The following PLS1 variants were observed in gnomAD, a reference collection of about 807,000 sequenced individuals.
PLS1 encodes plastin 1, also known as plastin-1.
Under a neutral mutation model 73.7 loss-of-function variants are expected in PLS1, and 32 were observed. The ratio of observed to expected loss-of-function variants is 0.43; its 90% CI spans 0.33 to 0.58. PLS1 has a LOEUF of 0.58. Ranked by LOEUF, PLS1 falls within the 20% of genes least tolerant of loss-of-function variation. The pLI, the probability that PLS1 is intolerant of heterozygous loss-of-function variation, is 0.04. For missense variants in PLS1, 633 were observed against 740.5 expected (o/e 0.85, Z 1.68); for synonymous variants, 217 against 261.3 (o/e 0.83, Z 1.63).
At chr3:142,625,977 A>AAATG (rs1174391653) in intron 1 of PLS1, among the ~76,000 whole-genome samples, 8 of 152,324 alleles carry the variant, frequency 5.3e-5, no homozygotes, top group East Asian at 1.9e-4. Flanking sequence ...CTGTCTCAAA[A>AAATG]AATGAATGAA....
chr3:142,643,069 G>C (rs1053844052), intron 1 of PLS1, among the ~76,000 whole-genome samples: 1 of 152,166 alleles, frequency 6.6e-6, no homozygotes, highest in Admixed American at 6.5e-5. Context: ...GGTGGAAGTT[G>C]TATTTGTTAA....
At chr3:142,695,718 A>C (rs970257566) in intron 11 of PLS1, among the ~76,000 whole-genome samples, 1 of 152,198 alleles carries the variant, frequency 6.6e-6, no homozygotes, top group East Asian at 1.9e-4. Flanking sequence ...AGCAAACTCT[A>C]TGTAGCCTGG....
At chr3:142,615,183 C>T (rs78383670) in intron 1 of PLS1, among the ~76,000 whole-genome samples, 1 of 152,286 alleles carries the variant, frequency 6.6e-6, no homozygotes, top group African/African-American at 2.4e-5. Context: ...AGGCAGCCAA[C>T]ATGGTCTGGA....
intron 1 of PLS1, among the ~76,000 whole-genome samples, chr3:142,603,761 C>T (rs2035967482): frequency 8.5e-6 from 1 of 118,292 alleles, no homozygotes; most frequent in South Asian, 2.5e-4. Context: ...CAAAGTGAAA[C>T]CCTGCCTCAA....
chr3:142,679,414 G>A (rs1231513956), intron 6 of PLS1, among the ~76,000 whole-genome samples: 26 of 150,820 alleles, frequency 1.7e-4, no homozygotes, highest in South Asian at 4.2e-4. Context: ...TAGGTCTAAC[G>A]TTTAAGTCTT....
chr3:142,707,815 A>C (rs192684351), intron 14 of PLS1, among the ~76,000 whole-genome samples: 1 of 152,126 alleles, frequency 6.6e-6, no homozygotes, highest in Admixed American at 6.5e-5. Context: ...ATACTATATA[A>C]ATCAGCTAAG....
At chr3:142,604,266 A>G (rs1463235238) in intron 1 of PLS1, among the ~76,000 whole-genome samples, 3 of 152,190 alleles carry the variant, frequency 2.0e-5, no homozygotes, top group Non-Finnish European at 4.4e-5. Context: ...AGGTTTAGAC[A>G]AGTAGAATCT....
Position 142,669,422 on chromosome 3 carries a change from G to C in PLS1, c.103G>C (p.Glu35Gln), listed in dbSNP as rs774902670. 1 of 1,599,006 alleles carries C rather than the reference G, an allele frequency of 6.3e-7. No individual in the cohort carries two copies. Among genetic ancestry groups the C allele is most frequent in the East Asian group, 2.2e-5 (1 of 44,712 alleles). The change falls in exon 3 of 16, where the codon GAA becomes CAA. Residue 35 changes from glutamate to glutamine, a missense_variant. Glu to Gln is a conservative substitution (Grantham distance 29). Coordinates refer to ENST00000457734, the MANE Select transcript of PLS1 (RefSeq NM_001145319.2). ...IDNSGYVSDY[E>Q]LQDLFKEASL... The stretch of plus-strand genomic sequence containing the variant: ...CAATAGTGGGTATGTCAGTGACTAT[G>C]AACTTCAAGACCTGTTTAAGGAAGC...
intron 11 of PLS1, among the ~76,000 whole-genome samples, chr3:142,696,277 T>C (rs760097718): frequency 1.3e-5 from 2 of 152,240 alleles, no homozygotes; most frequent in Non-Finnish European, 2.9e-5. Context: ...GAGAAAAGAA[T>C]TGACCAAACC....
At chr3:142,646,533 T>A (rs1271079949) in intron 1 of PLS1, among the ~76,000 whole-genome samples, 2 of 152,280 alleles carry the variant, frequency 1.3e-5, no homozygotes, top group East Asian at 3.8e-4. Flanking sequence ...TTAGGTCTTG[T>A]CTTCCTGATA....
chr3:142,622,260 G>A (rs550106265), intron 1 of PLS1, among the ~76,000 whole-genome samples: 2 of 152,256 alleles, frequency 1.3e-5, no homozygotes, highest in East Asian at 3.9e-4. Flanking sequence ...CATTCATTGA[G>A]GTATAATTTA....
chr3:142,666,550 T>G (rs558848791), intron 2 of PLS1, among the ~76,000 whole-genome samples: 1 of 152,314 alleles, frequency 6.6e-6, no homozygotes, highest in Non-Finnish European at 1.5e-5. Context: ...ATTCATCCAC[T>G]GATGGCCATT....
chr3:142,599,190 A>G (rs942353406), intron 1 of PLS1, among the ~76,000 whole-genome samples: 12 of 151,408 alleles, frequency 7.9e-5, no homozygotes, highest in Middle Eastern at 6.8e-3. Flanking sequence ...ATAAATAAAT[A>G]AATAAATAAA....
At chr3:142,683,504 A>G (rs1467003441) in intron 6 of PLS1, among the ~76,000 whole-genome samples, 3 of 152,078 alleles carry the variant, frequency 2.0e-5, no homozygotes, top group Non-Finnish European at 4.4e-5. Context: ...ACTCCGTCTC[A>G]AAAAAAATAA....
chr3:142,620,478 G>A (rs1042586985), intron 1 of PLS1, among the ~76,000 whole-genome samples: 10 of 152,256 alleles, frequency 6.6e-5, no homozygotes, highest in African/African-American at 1.9e-4. Flanking sequence ...CAGATGATAT[G>A]ACAATCTTAG....
chr3:142,646,563 G>A (rs73864567), intron 1 of PLS1, among the ~76,000 whole-genome samples: 6,488 of 152,262 alleles, frequency 0.043, 441 homozygotes, highest in African/African-American at 0.15. Context: ...TACAGGCATG[G>A]GCATGTTGCT....
intron 1 of PLS1, among the ~76,000 whole-genome samples, chr3:142,603,769 C>A (rs1311262311): frequency 4.1e-4 from 57 of 140,468 alleles, no homozygotes; most frequent in South Asian, 4.7e-4. Context: ...AACCCTGCCT[C>A]AAAAAAAAAA....
intron 6 of PLS1, among the ~76,000 whole-genome samples, chr3:142,683,042 T>G (rs2037887864): frequency 6.6e-6 from 1 of 152,248 alleles, no homozygotes; most frequent in Admixed American, 6.5e-5. Flanking sequence ...TACAGCCATT[T>G]ATTTACTTGG....
chr3:142,705,990 CA>C (rs1393656267), intron 14 of PLS1, among the ~76,000 whole-genome samples: 2 of 152,016 alleles, frequency 1.3e-5, no homozygotes, highest in African/African-American at 4.8e-5. Flanking sequence ...TATAAAATAG[CA>C]ATGGGGATTG....
Sources: gnomAD v4.1 joint callset for allele counts (sites outside exome capture counted in the v4.1 genomes callset) on GRCh38, gnomAD v4.1.1 for gene constraint, MANE v1.5 for transcripts, NCBI Gene and HGNC (gene_info 2026-07-23, HGNC 2026-07-21) for gene names.